The following AXDND1 variants were observed in gnomAD, a reference collection of about 807,000 sequenced individuals.
The protein encoded by AXDND1 is axonemal dynein light chain domain-containing protein 1.
A neutral mutation model predicts 137.5 loss-of-function variants in AXDND1; 110 were observed. That is an observed-to-expected ratio of 0.80 (90% CI 0.69 to 0.94). The LOEUF is 0.94. Ranked by LOEUF, AXDND1 falls within the 40% of genes least tolerant of loss-of-function variation. The pLI, the probability that AXDND1 is intolerant of heterozygous loss-of-function variation, is 0.00. For missense variants in AXDND1, 1,191 were observed against 1,169.8 expected, an observed-to-expected ratio of 1.02 and a Z score of -0.26; for synonymous variants, 414 against 399.7, an observed-to-expected ratio of 1.04 and a Z score of -0.43.
chr1:179,424,889 A>AT (rs1364133060), intron 12 of AXDND1, among the ~76,000 whole-genome samples: 2 of 151,978 alleles, frequency 1.3e-5, no homozygotes, highest in African/African-American at 4.8e-5. Context: ...CAGTAATTTT[A>AT]TTTTTTTATT....
In AXDND1 at chr1:179,382,292, G is replaced by T. The variant is rs868393607; in HGVS notation, c.582-408G>T. On this transcript the variant is annotated intron_variant, in intron 6 of 25. Coordinates refer to ENST00000367618, the MANE Select transcript of AXDND1 (RefSeq NM_144696.6). ...GACGGGGCTTCATCATGTTGGCCAGGCTGGTTTCGAACTCCTGACCTCAAG... is the reference window on the plus strand; with the variant it reads ...GACGGGGCTTCATCATGTTGGCCAGTCTGGTTTCGAACTCCTGACCTCAAG... Among the ~76,000 whole-genome samples, 59 of 151,868 alleles carry T rather than the reference G, an allele frequency of 3.9e-4. 1 individual carries two copies. Among genetic ancestry groups the T allele is most frequent in the African/African-American group, 1.4e-3 (58 of 41,408 alleles).
intron 12 of AXDND1, among the ~76,000 whole-genome samples, chr1:179,428,536 G>A (rs1656916182): frequency 6.6e-6 from 1 of 152,264 alleles, no homozygotes; most frequent in Non-Finnish European, 1.5e-5. Flanking sequence ...CCCCTTGTGG[G>A]GGGCAGGAGG....
intron 20 of AXDND1, among the ~76,000 whole-genome samples, chr1:179,503,271 A>T (rs181339984): frequency 1.3e-5 from 2 of 152,064 alleles, no homozygotes; most frequent in African/African-American, 4.8e-5. Flanking sequence ...GTCTCTCTGT[A>T]TGTATGACAG....
At chr1:179,500,335 TTATG>T (rs1439774502) in intron 20 of AXDND1, among the ~76,000 whole-genome samples, 6 of 107,020 alleles carry the variant, frequency 5.6e-5, no homozygotes, top group South Asian at 6.3e-4. Context: ...GCAGGGTACA[TTATG>T]TGTGTGTGTG....
chr1:179,387,051 G>T (rs899603329), intron 9 of AXDND1, among the ~76,000 whole-genome samples: 1 of 152,108 alleles, frequency 6.6e-6, no homozygotes, highest in African/African-American at 2.4e-5. Flanking sequence ...ACAGAATGTA[G>T]TTAGATAACT....
intron 12 of AXDND1, among the ~76,000 whole-genome samples, chr1:179,419,887 T>C (rs1355484594): frequency 6.6e-6 from 1 of 152,202 alleles, no homozygotes; most frequent in Non-Finnish European, 1.5e-5. Flanking sequence ...AGATTATGTC[T>C]TTTGTGAATG....
At chr1:179,453,130 A>G (rs1023170399) in intron 16 of AXDND1, 1 of 152,308 alleles carries the variant, frequency 6.6e-6, no homozygotes, top group Non-Finnish European at 1.5e-5. Flanking sequence ...CAGAGGATGT[A>G]TGGAAACGCC....
At chr1:179,368,616 G>T (rs1667709515) in intron 2 of AXDND1, among the ~76,000 whole-genome samples, 184 bp from the exon 3 acceptor site, 1 of 152,146 alleles carries the variant, frequency 6.6e-6, no homozygotes, top group Non-Finnish European at 1.5e-5. Flanking sequence ...TAGGCAAGAT[G>T]AATGTTATTT....
At chr1:179,474,921 C>T (rs1664422352) in intron 17 of AXDND1, among the ~76,000 whole-genome samples, 1 of 152,184 alleles carries the variant, frequency 6.6e-6, no homozygotes, top group Admixed American at 6.5e-5. Flanking sequence ...TGGGTCAGGC[C>T]CAGGGCCCCC....
Position 179,447,984 on chromosome 1 carries a change from T to C in AXDND1, c.1798+2780T>C, listed in dbSNP as rs2125381135. On this transcript the variant is annotated intron_variant, in intron 16 of 25. Transcript: ENST00000367618. ...AAGATGGTGACACCAGTGAACTCCC[T>C]GGGTTAGTGTAGGACAAAGCATTGG... 3 of 1,414,696 alleles carry C rather than the reference T, an allele frequency of 2.1e-6. No individual in the cohort carries two copies. In the East Asian group the frequency reaches 6.9e-5, roughly 32 times the overall value. 87.6% of individuals were successfully genotyped at this position (1,414,696 alleles called of 1,614,324 possible).
intron 12 of AXDND1, among the ~76,000 whole-genome samples, chr1:179,422,855 G>A (rs6425542): frequency 6.6e-6 from 1 of 151,874 alleles, no homozygotes; most frequent in South Asian, 2.1e-4. Flanking sequence ...CCTCCGCCTC[G>A]TGGGTTCAAG....
chr1:179,458,053 G>A (rs1438528854), intron 16 of AXDND1, among the ~76,000 whole-genome samples: 1 of 147,188 alleles, frequency 6.8e-6, no homozygotes, highest in African/African-American at 2.5e-5. Context: ...GTAGTGGTAT[G>A]ATCATGGCTC....
intron 15 of AXDND1, among the ~76,000 whole-genome samples, chr1:179,437,520 G>T (rs1035684428): frequency 1.3e-5 from 2 of 152,094 alleles, no homozygotes; most frequent in Non-Finnish European, 2.9e-5. Flanking sequence ...TCATATAGCC[G>T]CCAGTGGAAT....
chr1:179,534,588 A>C (rs1033785144), intron 24 of AXDND1, 142 bp from the exon 25 acceptor site: 1 of 1,068,138 alleles, frequency 9.4e-7, no homozygotes, highest in Non-Finnish European at 1.3e-6. Context: ...GTTCTCAGTT[A>C]ATCATTGATG....
At chr1:179,513,696 C>CT (rs1669260235) in intron 21 of AXDND1, among the ~76,000 whole-genome samples, 1 of 150,862 alleles carries the variant, frequency 6.6e-6, no homozygotes, top group Non-Finnish European at 1.5e-5. Context: ...TGGTCCTGGA[C>CT]TTTTTTTTTG....
At chr1:179,397,327 CT>C (rs1285413865) in intron 11 of AXDND1, among the ~76,000 whole-genome samples, 7 of 152,234 alleles carry the variant, frequency 4.6e-5, no homozygotes, top group African/African-American at 9.6e-5. Context: ...TCTCTTACGG[CT>C]TGTAGGGTTT....
At chr1:179,516,643 G>T (rs1669566114) in intron 21 of AXDND1, among the ~76,000 whole-genome samples, 1 of 152,162 alleles carries the variant, frequency 6.6e-6, no homozygotes, top group Admixed American at 6.5e-5. Flanking sequence ...GTCCCATGGG[G>T]TTCTCCCTTG....
chr1:179,466,535 C>G (rs1663225529), intron 16 of AXDND1, among the ~76,000 whole-genome samples: 1 of 151,980 alleles, frequency 6.6e-6, no homozygotes. Context: ...TTATATTTTT[C>G]AGTCCTAGAA....
At chr1:179,460,507 C>T (rs36144856) in intron 16 of AXDND1, among the ~76,000 whole-genome samples, 25,551 of 152,036 alleles carry the variant, frequency 0.17, 2,499 homozygotes, top group East Asian at 0.35. Context: ...CCACAATAAA[C>T]GTAGGTGTGC....
Sources: allele counts gnomAD v4.1 joint callset (sites outside exome capture counted in the v4.1 genomes callset), GRCh38; gene constraint gnomAD v4.1.1; transcripts MANE v1.5; gene names NCBI Gene and HGNC (gene_info 2026-07-23, HGNC 2026-07-21).